The following PRKDC variants were observed in gnomAD, a reference collection of about 807,000 sequenced individuals.
The protein encoded by PRKDC is DNA-dependent protein kinase catalytic subunit.
A neutral mutation model predicts 486.9 loss-of-function variants in PRKDC; 82 were observed. That is an observed-to-expected ratio of 0.17 (90% CI 0.14 to 0.20). The LOEUF (loss-of-function observed/expected upper bound fraction) is 0.20. Among genes scored for constraint, PRKDC ranks in the 10% least tolerant of loss-of-function variants. The probability of loss-of-function intolerance (pLI) is 1.00; values close to 1 mark genes in which losing one functional copy is unlikely to be tolerated. For missense variants in PRKDC, 4,504 were observed against 5,038.2 expected (o/e 0.89, Z 3.21); for synonymous variants, 1,895 against 1,837.0 (o/e 1.03, Z -0.81).
At chr8:47,951,629 C>T (rs1379822221) in intron 7 of PRKDC, among the ~76,000 whole-genome samples, 1 of 151,728 alleles carries the variant, frequency 6.6e-6, no homozygotes, top group Non-Finnish European at 1.5e-5. Context: ...TGGGAGGTTC[C>T]CTTGAGCCCA....
chr8:47,953,810 G>C lies in PRKDC; in HGVS notation c.618C>G (p.Thr206=), dbSNP rs753601377. ...LFRAFLGELK[T]QMTSAVREPK... ...AATGTCATAAAGTTCATCATACCTGGGTCTTAAGTTCACCCAGAAAAGCGC... is the reference window on the plus strand; with the variant it reads ...AATGTCATAAAGTTCATCATACCTGCGTCTTAAGTTCACCCAGAAAAGCGC... The change falls in exon 6 of 86, where the codon ACC becomes ACG. Residue 206 remains threonine, a synonymous_variant. Coordinates refer to ENST00000314191, the MANE Select transcript of PRKDC (RefSeq NM_006904.7). 1.9e-6 allele frequency: 3 copies of C among 1,571,962 alleles called. No homozygotes were observed. In the Admixed American group the frequency reaches 5.6e-5, roughly 30 times the overall value.
At chr8:47,801,807 T>G (rs1186942795) in intron 70 of PRKDC, among the ~76,000 whole-genome samples, 1 of 152,156 alleles carries the variant, frequency 6.6e-6, no homozygotes, top group Non-Finnish European at 1.5e-5. Context: ...GCGATAACAG[T>G]GTTGAAACTA....
Position 47,935,819 on chromosome 8 carries a change from G to C in PRKDC, c.1360C>G (p.Gln454Glu), listed in dbSNP as rs1357082886. The change falls in exon 13 of 86, where the codon CAG (glutamine) becomes GAG (glutamate). Residue 454 changes from glutamine to glutamate, a missense_variant. Gln to Glu is a conservative substitution (Grantham distance 29). Transcript: ENST00000314191. ...DSFPQYSPKM[Q>E]LVCCRAIVKV... ...ACTATGGCTCTGCAACACACCAGCTGCATTTTTGGACTGTACTGTGGGAAA... is the reference window on the plus strand; with the variant it reads ...ACTATGGCTCTGCAACACACCAGCTCCATTTTTGGACTGTACTGTGGGAAA... 1 of 1,613,980 alleles carries C rather than the reference G, an allele frequency of 6.2e-7. No individual in the cohort carries two copies. Among genetic ancestry groups the C allele is most frequent in the South Asian group, 1.1e-5 (1 of 91,084 alleles).
intron 40 of PRKDC, among the ~76,000 whole-genome samples, chr8:47,872,952 G>A (rs183206883): frequency 1.2e-4 from 19 of 152,182 alleles, no homozygotes; most frequent in African/African-American, 4.3e-4. Context: ...CCTTACAGAT[G>A]TTTACAGAAC....
intron 25 of PRKDC, among the ~76,000 whole-genome samples, chr8:47,905,520 G>A (rs1057047431): frequency 6.6e-6 from 1 of 151,996 alleles, no homozygotes; most frequent in East Asian, 1.9e-4. Flanking sequence ...CAATCTAGTC[G>A]CTATTCAACT....
chr8:47,854,797 G>A lies in PRKDC; in HGVS notation c.6761+425C>T, dbSNP rs1235743372. Among the ~76,000 whole-genome samples the A allele has an allele frequency of 2.6e-5, 4 of 152,154 alleles. No individual in the cohort carries two copies. The South Asian group carries it at 8.3e-4, about 32-fold the overall frequency. ...GCTAATACCTCCTGTTCACATCCAG[G>A]TTCCTCCAGCTTTGTAACACTGGCA... On this transcript the variant is annotated intron_variant, in intron 50 of 85. Transcript: ENST00000314191.
At chr8:47,957,569 G>A (rs1305145819) in intron 1 of PRKDC, 138 bp from the exon 2 acceptor site, 17 of 685,612 alleles carry the variant, frequency 2.5e-5, no homozygotes, top group East Asian at 6.1e-5. Flanking sequence ...GGAGTGCAGC[G>A]GCGCGATCTC....
At chr8:47,912,157 A>C (rs930846457) in intron 25 of PRKDC, among the ~76,000 whole-genome samples, 2 of 151,928 alleles carry the variant, frequency 1.3e-5, no homozygotes, top group Non-Finnish European at 2.9e-5. Flanking sequence ...AGATGCCTGG[A>C]CTCTCAGTAA....
intron 40 of PRKDC, among the ~76,000 whole-genome samples, chr8:47,870,102 G>C (rs780899696): frequency 1.4e-4 from 21 of 152,182 alleles, no homozygotes; most frequent in Non-Finnish European, 2.8e-4. Flanking sequence ...TGGAGCCAGG[G>C]AGAAATCACT....
intron 16 of PRKDC, among the ~76,000 whole-genome samples, chr8:47,931,879 T>G (rs1589801214): frequency 6.6e-6 from 1 of 152,288 alleles, no homozygotes; most frequent in East Asian, 1.9e-4. Flanking sequence ...AGCTCCAGAC[T>G]TAAGCCATGA....
At chr8:47,904,737 G>A (rs1039224712) in intron 26 of PRKDC, 132 bp downstream of exon 26, 2 of 635,624 alleles carry the variant, frequency 3.1e-6, no homozygotes, top group Admixed American at 6.3e-5. Context: ...AGGTTGCAGT[G>A]AGCCAAGATC....
At chr8:47,897,468 G>C (rs1387136253) in intron 29 of PRKDC, among the ~76,000 whole-genome samples, 174 bp from the exon 30 acceptor site, 1 of 152,176 alleles carries the variant, frequency 6.6e-6, no homozygotes, top group Non-Finnish European at 1.5e-5. Flanking sequence ...AAATAACATA[G>C]GTGAAATGGG....
chr8:47,860,264 A>G (rs904906827), intron 45 of PRKDC, among the ~76,000 whole-genome samples: 1 of 152,250 alleles, frequency 6.6e-6, no homozygotes, highest in African/African-American at 2.4e-5. Context: ...TAGGGAGGCC[A>G]GGAAGAGTCT....
Position 47,799,277 on chromosome 8 carries a change from A to C in PRKDC, c.10230T>G (p.Ile3410Met), listed in dbSNP as rs368501348. The change falls in exon 72 of 86, where the codon ATT becomes ATG. Residue 3410 changes from isoleucine to methionine, a missense_variant. Transcript: ENST00000314191. ...SWSCGPAAGV[I>M]DAYMTLADFC... is the part of the protein sequence containing the mutation. The stretch of plus-strand genomic sequence containing the variant: ...AATCTGCCAGCGTCATGTAAGCATC[A>C]ATCACCCCAGCTGCAGGCCCACAGC... 3 of 1,613,600 alleles carry C rather than the reference A, an allele frequency of 1.9e-6. No individual in the cohort carries two copies. The highest frequency in any genetic ancestry group is 3.3e-5 in the Admixed American group (2 of 59,984).
chr8:47,931,827 A>G (rs887856681), intron 16 of PRKDC, among the ~76,000 whole-genome samples: 2 of 152,192 alleles, frequency 1.3e-5, no homozygotes, highest in South Asian at 4.1e-4. Context: ...CCAAATTACC[A>G]TGGAGTCCAG....
intron 21 of PRKDC, among the ~76,000 whole-genome samples, chr8:47,924,683 C>T (rs2090126329): frequency 6.6e-6 from 1 of 152,096 alleles, no homozygotes; most frequent in Non-Finnish European, 1.5e-5. Context: ...GGCCAGAGTA[C>T]ATGTAACACA....
At chr8:47,829,166 AAT>A (rs1488543176) in intron 61 of PRKDC, among the ~76,000 whole-genome samples, 1 of 152,196 alleles carries the variant, frequency 6.6e-6, no homozygotes, top group Non-Finnish European at 1.5e-5. Flanking sequence ...CAATTCTGTT[AAT>A]ATCTTTTTGT....
At position 47,904,888 on chromosome 8, in the gene PRKDC, G is replaced by T; in HGVS notation, c.3023C>A (p.Ala1008Asp). 6.2e-7 allele frequency: 1 copy of T among 1,608,632 alleles called. No individual in the cohort carries two copies. The highest frequency in any genetic ancestry group is 8.5e-7 in the Non-Finnish European group (1 of 1,175,486). The change falls in exon 26 of 86, where the codon GCC becomes GAC. Residue 1008 changes from alanine to aspartate, a missense_variant. By Grantham distance (126) the Ala-to-Asp change is moderately radical (BLOSUM62 -2). Transcript: ENST00000314191. Reference protein sequence around the residue: ...NKKFESQDTVALLEAILDGIV... With the variant: ...NKKFESQDTVDLLEAILDGIV... ...ACTTACCAATATAGCTTCTAGTAAG[G>T]CAACAGTATCCTGACTTTCAAATTT...
intron 18 of PRKDC, 134 bp from the exon 19 acceptor site, chr8:47,929,312 G>T (rs542934217): frequency 2.2e-5 from 15 of 673,290 alleles, no homozygotes; most frequent in South Asian, 2.0e-4. Context: ...ACAGGAGGCA[G>T]AATCAGCTCT....
Sources: gnomAD v4.1 joint callset for allele counts (sites outside exome capture counted in the v4.1 genomes callset) on GRCh38, gnomAD v4.1.1 for gene constraint, MANE v1.5 for transcripts, NCBI Gene and HGNC (gene_info 2026-07-23, HGNC 2026-07-21) for gene names.